The following TM6SF1 variants were observed in gnomAD, a reference collection of about 807,000 sequenced individuals.
The protein encoded by TM6SF1 is transmembrane 6 superfamily member 1.
Under a neutral mutation model 47.1 loss-of-function variants are expected in TM6SF1, and 43 were observed. The observed-to-expected ratio is 0.91, with a 90% CI of 0.72 to 1.18. The LOEUF (loss-of-function observed/expected upper bound fraction) is 1.18, where lower values mean the gene tolerates loss of function less well. Ranked by LOEUF, TM6SF1 falls within the 50% of genes most tolerant of loss-of-function variation. The pLI, the probability that TM6SF1 is intolerant of heterozygous loss-of-function variation, is 0.00. For synonymous variants in TM6SF1, 177 were observed against 166.3 expected (o/e 1.06, Z -0.49); for missense variants, 390 against 449.0 (o/e 0.87, Z 1.19).
Position 83,127,490 on chromosome 15 carries a change from T to C in TM6SF1, c.921+13T>C. On this transcript the variant is annotated intron_variant, in intron 9 of 9. Transcript: ENST00000322019. ...AGGTCTGGCTCAGGTACTAAGAATA[T>C]TCTGTTGAGAAGGTTTACTTGTGGT... 1 of 1,612,796 alleles carries C rather than the reference T, an allele frequency of 6.2e-7. No individual in the cohort carries two copies. Among genetic ancestry groups the C allele is most frequent in the Non-Finnish European group, 8.5e-7 (1 of 1,179,478 alleles).
At chr15:83,117,178 T>C (rs1375154573) in intron 3 of TM6SF1, among the ~76,000 whole-genome samples, 1 of 151,350 alleles carries the variant, frequency 6.6e-6, no homozygotes, top group Admixed American at 6.6e-5. Context: ...ACCAGGGAGG[T>C]AGGGGGAATT....
At chr15:83,116,008 G>C (rs1243812036) in intron 3 of TM6SF1, 66 bp downstream of exon 3, 12 of 1,243,328 alleles carry the variant, frequency 9.7e-6, no homozygotes, top group East Asian at 7.0e-5. Context: ...ACATTACTCA[G>C]AGACAGAAAT....
At chr15:83,112,769 G>T in intron 1 of TM6SF1, 28 bp from the exon 2 acceptor site, 2 of 1,526,152 alleles carry the variant, frequency 1.3e-6, no homozygotes, top group Non-Finnish European at 1.8e-6. Context: ...TTTTGATAGT[G>T]ACCACCTCCC....
intron 1 of TM6SF1, among the ~76,000 whole-genome samples, chr15:83,108,189 C>T (rs1466957900): frequency 2.0e-5 from 3 of 152,132 alleles, no homozygotes; most frequent in Non-Finnish European, 4.4e-5. Flanking sequence ...TATGGACTTT[C>T]GCATACTTAT....
At chr15:83,115,596 A>G in intron 2 of TM6SF1, 1 of 636,518 alleles carries the variant, frequency 1.6e-6, no homozygotes, top group South Asian at 1.5e-5. Context: ...GGCAGTGACC[A>G]TCATTCTCCA....
chr15:83,131,252 A>C (rs1338850158), intron 9 of TM6SF1: 1 of 152,212 alleles, frequency 6.6e-6, no homozygotes, highest in Non-Finnish European at 1.5e-5. Flanking sequence ...AACATCTAGT[A>C]AACTCTCAAG....
In TM6SF1 at chr15:83,107,811, G is replaced by A. The variant is rs961795240; in HGVS notation, c.92+39G>A. 1 of 1,549,190 alleles carries A rather than the reference G, an allele frequency of 6.5e-7. No homozygotes were observed. The highest frequency in any genetic ancestry group is 8.7e-7 in the Non-Finnish European group (1 of 1,149,270). On this transcript the variant is annotated intron_variant, in intron 1 of 9. Coordinates refer to ENST00000322019, the MANE Select transcript of TM6SF1 (RefSeq NM_023003.5). The surrounding 1 kb of genome is among the most constrained non-coding windows in gnomAD (Gnocchi z 5.6). ...CGCGGCGGGGGTCGCGCCGAGGGGCGGCGGGAGTTGGCTCGCCGCGACGGG... is the reference window on the plus strand; with the variant it reads ...CGCGGCGGGGGTCGCGCCGAGGGGCAGCGGGAGTTGGCTCGCCGCGACGGG...
At chr15:83,127,609 T>TTCTGCAGAAATG in intron 9 of TM6SF1, 132 bp downstream of exon 9, 1 of 977,290 alleles carries the variant, frequency 1.0e-6, no homozygotes, top group Non-Finnish European at 1.5e-6. Context: ...TGTTTTGCAG[T>TTCTGCAGAAATG]TCTTCAGAAG....
At chr15:83,121,197 A>C (rs565541203) in intron 4 of TM6SF1, among the ~76,000 whole-genome samples, 41 of 151,490 alleles carry the variant, frequency 2.7e-4, no homozygotes, top group Non-Finnish European at 4.9e-4. Flanking sequence ...CAGCCTCCCA[A>C]GTAGCTGGAA....
chr15:83,112,694 G>A, intron 1 of TM6SF1, 103 bp from the exon 2 acceptor site: 3 of 831,590 alleles, frequency 3.6e-6, no homozygotes, highest in Non-Finnish European at 6.2e-6. Flanking sequence ...AATTATGGAT[G>A]AATTATGCAG....
intron 9 of TM6SF1, chr15:83,130,354 A>G (rs1220007295): frequency 1.3e-5 from 2 of 152,500 alleles, no homozygotes; most frequent in African/African-American, 4.8e-5. Flanking sequence ...AGTGGTTCTG[A>G]GAAGGGCAGT....
chr15:83,129,167 A>AT lies in TM6SF1; in HGVS notation c.921+1700dup, dbSNP rs1026510336. 188 of 147,416 alleles carry AT rather than the reference A, an allele frequency of 1.3e-3. 1 individual carries two copies. The highest frequency in any genetic ancestry group is 5.8e-3 in the Admixed American group (85 of 14,770). The allele number at this position is 147,416 out of a possible 1,614,324, so 9.1% of individuals were successfully genotyped here. A position where few individuals can be genotyped will look rare whatever the true frequency, so the allele number is the denominator to read the frequency against. On this transcript the variant is annotated intron_variant, in intron 9 of 9. Coordinates refer to ENST00000322019, the MANE Select transcript of TM6SF1 (RefSeq NM_023003.5). Reference sequence around the variant, plus strand: ...TTTTACTCCAGTGATTCTCCAACCCATTTTTTTTTTCCAGCTCCGCTGCCC... The same window carrying AT: ...TTTTACTCCAGTGATTCTCCAACCCATTTTTTTTTTTCCAGCTCCGCTGCCC...
chr15:83,111,327 A>G (rs968477490), intron 1 of TM6SF1, among the ~76,000 whole-genome samples: 8 of 151,732 alleles, frequency 5.3e-5, no homozygotes, highest in African/African-American at 1.9e-4. Context: ...CCATCCATTT[A>G]TCCATCATCC....
chr15:83,108,133 T>A (rs868163798), intron 1 of TM6SF1, among the ~76,000 whole-genome samples: 29 of 152,130 alleles, frequency 1.9e-4, no homozygotes, highest in Admixed American at 1.3e-4. Flanking sequence ...CCGTGTCAGC[T>A]CGTTTGTGCC....
In TM6SF1 at chr15:83,121,790, C is replaced by T. The variant is rs1336648813; in HGVS notation, c.399-131C>T. 1.5e-5 allele frequency: 10 copies of T among 677,658 alleles called. No homozygotes were observed. The East Asian group carries it at 2.5e-4, about 17-fold the overall frequency. 42.0% of individuals were successfully genotyped at this position (677,658 alleles called of 1,614,324 possible). A position where few individuals can be genotyped will look rare whatever the true frequency, so the allele number is the denominator to read the frequency against. On this transcript the variant is annotated intron_variant, in intron 4 of 9. Transcript: ENST00000322019. ...AGGGCTCCTTGTGTTTGATTTATTC[C>T]TCTCAATTCAATATGTTTTGATTGA...
At chr15:83,118,615 G>A (rs1269908951) in intron 3 of TM6SF1, among the ~76,000 whole-genome samples, 3 of 152,130 alleles carry the variant, frequency 2.0e-5, no homozygotes, top group Non-Finnish European at 4.4e-5. Flanking sequence ...TTGCCCCAGG[G>A]GAGCATGAAG....
chr15:83,107,842 C>A lies in TM6SF1; in HGVS notation c.92+70C>A. On this transcript the variant is annotated intron_variant, in intron 1 of 9. Coordinates refer to ENST00000322019, the MANE Select transcript of TM6SF1 (RefSeq NM_023003.5). This position sits in a 1 kb window ranked among gnomAD's most constrained non-coding sequence, Gnocchi z 5.6. ...AGTTGGCTCGCCGCGACGGGAGCCT[C>A]GCAACTTTTCCGAGGGGGCTGGGAC... 1 of 1,504,804 alleles carries A rather than the reference C, an allele frequency of 6.6e-7. No homozygotes were observed. Among genetic ancestry groups the A allele is most frequent in the Non-Finnish European group, 8.9e-7 (1 of 1,126,134 alleles). 93.2% of individuals were successfully genotyped at this position (1,504,804 alleles called of 1,614,324 possible). A position where few individuals can be genotyped will look rare whatever the true frequency, so the allele number is the denominator to read the frequency against.
chr15:83,131,639 GAAAGA>G (rs1051157422), intron 9 of TM6SF1: 3 of 152,092 alleles, frequency 2.0e-5, no homozygotes, highest in African/African-American at 7.3e-5. Context: ...TCAAAAAAAA[GAAAGA>G]AAAAAGAGTG....
chr15:83,119,756 A>G lies in TM6SF1; in HGVS notation c.398+75A>G, dbSNP rs867670551. 6.9e-6 allele frequency: 11 copies of G among 1,597,374 alleles called. No individual in the cohort carries two copies. In the Middle Eastern group the frequency reaches 1.2e-3, roughly 170 times the overall value. The stretch of plus-strand genomic sequence containing the variant: ...GCGGGTATGTAAGGAAACGTTATGC[A>G]TAGAGGCAAATACACAAGCAGGTAT... On this transcript the variant is annotated intron_variant, in intron 4 of 9. Coordinates refer to ENST00000322019, the MANE Select transcript of TM6SF1 (RefSeq NM_023003.5).
Sources: allele counts gnomAD v4.1 joint callset (sites outside exome capture counted in the v4.1 genomes callset), GRCh38; gene constraint gnomAD v4.1.1; non-coding constraint Gnocchi (gnomAD v3.1); transcripts MANE v1.5; gene names NCBI Gene and HGNC (gene_info 2026-07-23, HGNC 2026-07-21).